The following KATNIP variants were observed in gnomAD, a reference collection of about 807,000 sequenced individuals.
The protein encoded by KATNIP is katanin interacting protein.
In KATNIP, 126 loss-of-function variants were observed where a neutral mutation model predicts 174.0. The ratio of observed to expected loss-of-function variants is 0.72; its 90% CI spans 0.63 to 0.84. The LOEUF (loss-of-function observed/expected upper bound fraction) is 0.84, where lower values mean the gene tolerates loss of function less well. Ranked by LOEUF, KATNIP falls within the 40% of genes least tolerant of loss-of-function variation. The probability of loss-of-function intolerance (pLI) is 0.00; values close to 1 mark genes in which losing one functional copy is unlikely to be tolerated. For synonymous variants in KATNIP, 810 were observed against 835.7 expected, an observed-to-expected ratio of 0.97 and a Z score of 0.53; for missense variants, 1,958 against 2,109.7, an observed-to-expected ratio of 0.93 and a Z score of 1.41.
chr16:27,677,602 G>A (rs2078170291), intron 6 of KATNIP, 127 bp from the exon 7 acceptor site: 2 of 976,664 alleles, frequency 2.0e-6, no homozygotes, highest in South Asian at 1.8e-5. Flanking sequence ...ACATCACAAG[G>A]GTTGAGATAA....
At chr16:27,621,135 G>A (rs1424661114) in intron 3 of KATNIP, among the ~76,000 whole-genome samples, 1 of 152,030 alleles carries the variant, frequency 6.6e-6, no homozygotes, top group East Asian at 1.9e-4. Flanking sequence ...AAATAGCCAG[G>A]TGTGGTGGCA....
chr16:27,701,115 C>T (rs1163346909), intron 10 of KATNIP, among the ~76,000 whole-genome samples: 1 of 152,244 alleles, frequency 6.6e-6, no homozygotes, highest in East Asian at 1.9e-4. Flanking sequence ...TTACTTTGTA[C>T]AAAGCAGAAC....
chr16:27,771,262 C>T (rs1010557914), intron 21 of KATNIP, among the ~76,000 whole-genome samples: 1 of 152,212 alleles, frequency 6.6e-6, no homozygotes, highest in Admixed American at 6.5e-5. Context: ...AGTGACCTCA[C>T]TTCTCCGTGT....
At chr16:27,625,040 T>G (rs1008789979) in intron 3 of KATNIP, among the ~76,000 whole-genome samples, 1 of 152,154 alleles carries the variant, frequency 6.6e-6, no homozygotes, top group Non-Finnish European at 1.5e-5. Flanking sequence ...AGTTCGATTT[T>G]AGATAGGGCA....
chr16:27,698,581 G>T (rs2078996063), intron 9 of KATNIP, 81 bp downstream of exon 9: 2 of 1,391,870 alleles, frequency 1.4e-6, no homozygotes, highest in East Asian at 2.5e-5. Flanking sequence ...AAGAGCAAGT[G>T]TGCAGAAGAG....
chr16:27,702,121 C>T (rs2079124670), intron 11 of KATNIP, among the ~76,000 whole-genome samples: 1 of 152,178 alleles, frequency 6.6e-6, no homozygotes, highest in Non-Finnish European at 1.5e-5. Flanking sequence ...TACTCTGTCT[C>T]CCCCACCAGC....
intron 8 of KATNIP, among the ~76,000 whole-genome samples, chr16:27,682,044 G>C (rs1263076216): frequency 6.6e-6 from 1 of 152,200 alleles, no homozygotes; most frequent in Non-Finnish European, 1.5e-5. Context: ...AACCATGAGA[G>C]TGATTTTCTG....
chr16:27,570,074 C>G (rs1024167932), intron 1 of KATNIP, among the ~76,000 whole-genome samples: 1 of 152,022 alleles, frequency 6.6e-6, no homozygotes, highest in African/African-American at 2.4e-5. Context: ...TAGTTAAGCT[C>G]TATGTTCTTT....
intron 2 of KATNIP, among the ~76,000 whole-genome samples, chr16:27,597,644 C>T (rs777755057): frequency 6.6e-6 from 1 of 152,034 alleles, no homozygotes; most frequent in Non-Finnish European, 1.5e-5. Flanking sequence ...TTTGTCCATT[C>T]TTCTCAGGCA....
At chr16:27,573,307 C>T (rs1020709605) in intron 1 of KATNIP, among the ~76,000 whole-genome samples, 3 of 152,210 alleles carry the variant, frequency 2.0e-5, no homozygotes, top group African/African-American at 2.4e-5. Context: ...AAACTGCATT[C>T]GAAACAGCAT....
At position 27,607,040 on chromosome 16, in the gene KATNIP, G is replaced by T. The variant is rs182400571; in HGVS notation, c.64-11385G>T. Among the ~76,000 whole-genome samples the T allele has an allele frequency of 4.6e-5, 7 of 152,234 alleles. No homozygotes were observed. The East Asian group carries it at 1.4e-3, about 29-fold the overall frequency. On this transcript the variant is annotated intron_variant, in intron 2 of 27. Coordinates refer to ENST00000261588, the MANE Select transcript of KATNIP (RefSeq NM_015202.5). Reference sequence around the variant, plus strand: ...AGGAGGAGAGATAAGGACTTTTCCAGGAGGGTCCTTGGGAGGCATAGCTTG... The same window carrying T: ...AGGAGGAGAGATAAGGACTTTTCCATGAGGGTCCTTGGGAGGCATAGCTTG...
At chr16:27,600,980 G>A (rs1478884665) in intron 2 of KATNIP, among the ~76,000 whole-genome samples, 2 of 151,998 alleles carry the variant, frequency 1.3e-5, no homozygotes, top group Non-Finnish European at 1.5e-5. Context: ...TGATCCACCC[G>A]CCTCAGCCTC....
rs13331090 is a variant in KATNIP, at chr16:27,556,223, C to T, written c.7+6046C>T. Among the ~76,000 whole-genome samples the T allele has an allele frequency of 7.8e-3, 1,190 of 152,100 alleles. 17 individuals are homozygous for T. The highest frequency in any genetic ancestry group is 0.027 in the African/African-American group (1,135 of 41,504). On this transcript the variant is annotated intron_variant, in intron 1 of 27. Coordinates refer to ENST00000261588, the MANE Select transcript of KATNIP (RefSeq NM_015202.5). ...ACAGTTGACAGAAGAGGGAAGCGTG[C>T]TGATGAAGCTCTCTAGCAGATGATA...
rs192074315 is a variant in KATNIP, at chr16:27,749,683, G to A, written c.2723G>A (p.Arg908His). The change falls in exon 16 of 28, where the codon CGC (arginine) becomes CAC (histidine). Residue 908 changes from arginine (R) to histidine (H), a missense_variant. Physicochemically the swap from Arg to His is conservative, Grantham distance 29. Coordinates refer to ENST00000261588, the MANE Select transcript of KATNIP (RefSeq NM_015202.5). ...ESWSSLSAFD[R>H]SHRGRISNTE... Reference sequence around the variant, plus strand: ...TGGAGCTCCCTCAGTGCCTTCGACCGCTCCCACCGGGGACGCATCTCCAAC... The same window carrying A: ...TGGAGCTCCCTCAGTGCCTTCGACCACTCCCACCGGGGACGCATCTCCAAC... 35 of 1,612,850 alleles carry A rather than the reference G, an allele frequency of 2.2e-5. No homozygotes were observed. In the Admixed American group the frequency reaches 2.5e-4, roughly 12 times the overall value.
chr16:27,575,959 A>G (rs1440175632), intron 2 of KATNIP, among the ~76,000 whole-genome samples: 1 of 152,136 alleles, frequency 6.6e-6, no homozygotes, highest in Non-Finnish European at 1.5e-5. Context: ...GCATCCTTCC[A>G]GAGACCCTGA....
intron 11 of KATNIP, among the ~76,000 whole-genome samples, chr16:27,702,359 A>G (rs1388027649): frequency 6.6e-6 from 1 of 152,210 alleles, no homozygotes; most frequent in African/African-American, 2.4e-5. Flanking sequence ...CAAACTCAGC[A>G]TTCTGTTCCA....
Position 27,698,513 on chromosome 16 carries a change from C to G in KATNIP, c.1113+13C>G, listed in dbSNP as rs765828414. Reference sequence around the variant, plus strand: ...CAGCCCACTGCAGGTGCGCTCCGGGCTGGGAGAGGAACCGGGGGATGCTCC... The same window carrying G: ...CAGCCCACTGCAGGTGCGCTCCGGGGTGGGAGAGGAACCGGGGGATGCTCC... On this transcript the variant is annotated intron_variant, in intron 9 of 27. Transcript: ENST00000261588. 55 of 1,594,762 alleles carry G rather than the reference C, an allele frequency of 3.4e-5. No homozygotes were observed. Among genetic ancestry groups the G allele is most frequent in the Non-Finnish European group, 4.6e-5 (54 of 1,169,122 alleles).
At chr16:27,633,107 G>A (rs2076538659) in intron 5 of KATNIP, among the ~76,000 whole-genome samples, 1 of 152,146 alleles carries the variant, frequency 6.6e-6, no homozygotes, top group African/African-American at 2.4e-5. Flanking sequence ...CGGTTAAGGA[G>A]GGAGGGGATA....
chr16:27,637,488 G>C lies in KATNIP; in HGVS notation c.408+6326G>C, dbSNP rs1567236453. On this transcript the variant is annotated intron_variant, in intron 5 of 27. Transcript: ENST00000261588. This position sits in a 1 kb window ranked among gnomAD's most constrained non-coding sequence, Gnocchi z 4.7. The stretch of plus-strand genomic sequence containing the variant: ...GGACAGAGGACAGCAGCCTGAAAGA[G>C]AAGCTGTCGGGGGAGCGCTCCTTCA... 2.6e-5 allele frequency among the ~76,000 whole-genome samples: 4 copies of C among 152,206 alleles called. No homozygotes were observed. The highest frequency in any genetic ancestry group is 2.6e-4 in the Admixed American group (4 of 15,284).
Sources: allele counts gnomAD v4.1 joint callset (sites outside exome capture counted in the v4.1 genomes callset), GRCh38; gene constraint gnomAD v4.1.1; non-coding constraint Gnocchi (gnomAD v3.1); transcripts MANE v1.5; gene names NCBI Gene and HGNC (gene_info 2026-07-23, HGNC 2026-07-21).